Variants in DNAH7 observed in about 807,000 individuals in gnomAD.
DNAH7 encodes the protein axonemal beta dynein heavy chain 7.
DNAH7 carries 397 observed loss-of-function variants against 444.6 expected under a neutral mutation model. That is an observed-to-expected ratio of 0.89 (90% CI 0.82 to 0.97). The LOEUF (loss-of-function observed/expected upper bound fraction) is 0.97, where lower values mean the gene tolerates loss of function less well. Ranked by LOEUF, DNAH7 falls within the 50% of genes least tolerant of loss-of-function variation. The pLI, the probability that DNAH7 is intolerant of heterozygous loss-of-function variation, is 0.00. For synonymous variants in DNAH7, 1,636 were observed against 1,624.4 expected, an observed-to-expected ratio of 1.01 and a Z score of -0.17; for missense variants, 4,902 against 4,800.8, an observed-to-expected ratio of 1.02 and a Z score of -0.62.
chr2:195,927,637 C>G (rs1257486534), intron 21 of DNAH7, among the ~76,000 whole-genome samples: 1 of 151,630 alleles, frequency 6.6e-6, no homozygotes, highest in South Asian at 2.1e-4. Context: ...ACATTCAAAT[C>G]TGGATCACAA....
intron 40 of DNAH7, 109 bp from the exon 41 acceptor site, chr2:195,865,130 G>T: frequency 9.0e-7 from 1 of 1,117,114 alleles, no homozygotes; most frequent in Non-Finnish European, 1.2e-6. Flanking sequence ...AATTTCTGCA[G>T]GTTTTATTAA....
At chr2:195,988,672 T>C (rs974553720) in intron 12 of DNAH7, among the ~76,000 whole-genome samples, 2 of 152,154 alleles carry the variant, frequency 1.3e-5, no homozygotes, top group Non-Finnish European at 2.9e-5. Context: ...ACATTTCTCA[T>C]TTCTTTGTAG....
chr2:195,973,761 C>T (rs767584964), intron 15 of DNAH7, among the ~76,000 whole-genome samples: 104 of 152,092 alleles, frequency 6.8e-4, no homozygotes, highest in Non-Finnish European at 8.1e-4. Context: ...CGTCAGCCAC[C>T]GCGGCTGACC....
At chr2:195,969,169 G>A (rs1474030317) in intron 17 of DNAH7, among the ~76,000 whole-genome samples, 4 of 152,220 alleles carry the variant, frequency 2.6e-5, no homozygotes, top group African/African-American at 9.7e-5. Flanking sequence ...GTTTCCTGTG[G>A]GTGGTGGGGG....
chr2:195,840,602 T>C (rs1225075117), intron 47 of DNAH7, among the ~76,000 whole-genome samples: 1 of 151,800 alleles, frequency 6.6e-6, no homozygotes, highest in Non-Finnish European at 1.5e-5. Context: ...ATATAAAATA[T>C]TCCAATATAT....
chr2:195,858,405 A>G, intron 43 of DNAH7, 69 bp downstream of exon 43: 1 of 1,309,604 alleles, frequency 7.6e-7, no homozygotes, highest in Non-Finnish European at 1.0e-6. Flanking sequence ...CTAGACTAGA[A>G]CACAATGCTA....
chr2:195,960,940 C>A lies in DNAH7; in HGVS notation c.2211G>T (p.Glu737Asp). 6.3e-7 allele frequency: 1 copy of A among 1,582,460 alleles called. No homozygotes were observed. Among genetic ancestry groups the A allele is most frequent in the South Asian group, 1.2e-5 (1 of 86,182 alleles). The change falls in exon 18 of 65, where the codon GAG becomes GAT. Residue 737 changes from glutamate (E) to aspartate (D), a missense_variant. By Grantham distance (45) the Glu-to-Asp change is conservative. Transcript: ENST00000312428. ...ATGCTTCCTCTTCAGCATTAAACTG[C>A]TCAATCTGAAAGGATAAGTATTGAA... ...GKLDLAADKIEQFNAEEEAFG... is the reference protein window; with the variant it reads ...GKLDLAADKIDQFNAEEEAFG...
chr2:195,891,322 T>A (rs1163704246), intron 31 of DNAH7, among the ~76,000 whole-genome samples: 5 of 152,184 alleles, frequency 3.3e-5, no homozygotes, highest in African/African-American at 9.7e-5. Context: ...GGAAGAACAT[T>A]ACTGAAGAGG....
At chr2:195,933,652 A>C (rs1464851016) in intron 21 of DNAH7, among the ~76,000 whole-genome samples, 1 of 151,532 alleles carries the variant, frequency 6.6e-6, no homozygotes, top group African/African-American at 2.4e-5. Flanking sequence ...CACAAAGACA[A>C]AAAACCAAAC....
chr2:195,971,192 C>T (rs1559288542), intron 16 of DNAH7, among the ~76,000 whole-genome samples: 1 of 152,132 alleles, frequency 6.6e-6, no homozygotes, highest in Non-Finnish European at 1.5e-5. Flanking sequence ...AGAAAGAAAG[C>T]ATGGCTTGCT....
intron 19 of DNAH7, among the ~76,000 whole-genome samples, chr2:195,938,023 T>C (rs1173552839): frequency 1.3e-5 from 2 of 152,116 alleles, no homozygotes; most frequent in Non-Finnish European, 2.9e-5. Flanking sequence ...TAGCCATGAC[T>C]GAGAGATAAC....
In DNAH7 at chr2:195,802,464, C is replaced by T. The variant is rs4850375; in HGVS notation, c.10177-2992G>A. Reference sequence around the variant, plus strand: ...GCAATGAGTCGAGATTATGCCACTGCACTCCAGCCTAGGCAACGAGAACGA... The same window carrying T: ...GCAATGAGTCGAGATTATGCCACTGTACTCCAGCCTAGGCAACGAGAACGA... On this transcript the variant is annotated intron_variant, in intron 54 of 64. Transcript: ENST00000312428. 0.019 allele frequency among the ~76,000 whole-genome samples: 2,897 copies of T among 152,226 alleles called. 226 individuals carry two copies. The East Asian group carries it at 0.26, about 13-fold the overall frequency.
chr2:196,016,418 C>T (rs951562023), intron 9 of DNAH7, among the ~76,000 whole-genome samples: 5 of 152,058 alleles, frequency 3.3e-5, no homozygotes, highest in African/African-American at 9.7e-5. Context: ...AAAGAAATGA[C>T]AAAAACATGG....
At chr2:195,811,890 G>T (rs73062178) in intron 51 of DNAH7, among the ~76,000 whole-genome samples, 9,206 of 152,106 alleles carry the variant, frequency 0.061, 368 homozygotes, top group African/African-American at 0.12. Context: ...TGGCTGTCTT[G>T]GTTCATTCCT....
At chr2:195,865,114 T>A in intron 40 of DNAH7, 93 bp from the exon 41 acceptor site, 1 of 1,293,112 alleles carries the variant, frequency 7.7e-7, no homozygotes, top group Non-Finnish European at 1.0e-6. Context: ...AATAAAAATA[T>A]TAGAAAATTT....
intron 51 of DNAH7, among the ~76,000 whole-genome samples, chr2:195,813,564 G>A (rs1379670459): frequency 1.3e-5 from 2 of 152,144 alleles, no homozygotes; most frequent in African/African-American, 4.8e-5. Context: ...CGAAAAGTTT[G>A]GTTTTCCTCT....
In DNAH7 at chr2:195,987,126, T is replaced by C. The variant is rs1445773295; in HGVS notation, c.1694A>G (p.Asp565Gly). 1.2e-6 allele frequency: 2 copies of C among 1,609,038 alleles called. No homozygotes were observed. Among genetic ancestry groups the C allele is most frequent in the Non-Finnish European group, 1.7e-6 (2 of 1,178,182 alleles). Residue 565 changes from aspartate to glycine, a missense_variant, in exon 14 of 65, where the codon GAT becomes GGT. Coordinates refer to ENST00000312428, the MANE Select transcript of DNAH7 (RefSeq NM_018897.3). ...AGCTAGAAGTTTCCCACAAATAATATCTGCTCGCTTCACCAAAGCTCTGAT... is the reference window on the plus strand; with the variant it reads ...AGCTAGAAGTTTCCCACAAATAATACCTGCTCGCTTCACCAAAGCTCTGAT... ...ELIRALVKRA[D>G]IICGKLLAKM...
intron 5 of DNAH7, among the ~76,000 whole-genome samples, chr2:196,036,894 T>C (rs1696429104): frequency 6.6e-6 from 1 of 152,068 alleles, no homozygotes; most frequent in Admixed American, 6.5e-5. Flanking sequence ...TGCCCATGCA[T>C]GCCACCCAGG....
At chr2:195,865,355 A>AGC (rs1700267273) in intron 40 of DNAH7, among the ~76,000 whole-genome samples, 1 of 152,196 alleles carries the variant, frequency 6.6e-6, no homozygotes, top group African/African-American at 2.4e-5. Flanking sequence ...TGGATAGCAG[A>AGC]GCTGGGCACC....
Sources: gnomAD v4.1 joint callset for allele counts (sites outside exome capture counted in the v4.1 genomes callset) on GRCh38, gnomAD v4.1.1 for gene constraint, MANE v1.5 for transcripts, NCBI Gene and HGNC (gene_info 2026-07-23, HGNC 2026-07-21) for gene names.